The following SORL1 variants were observed in gnomAD, a reference collection of about 807,000 sequenced individuals.
SORL1 encodes the protein sortilin related receptor 1.
A neutral mutation model predicts 273.7 loss-of-function variants in SORL1; 127 were observed. That is an observed-to-expected ratio of 0.46 (90% CI 0.40 to 0.54). The LOEUF (loss-of-function observed/expected upper bound fraction) is 0.54. SORL1 is among the 20% of genes least tolerant of loss of function. The pLI is 0.00. For missense variants in SORL1, 2,494 were observed against 2,846.1 expected (o/e 0.88, Z 2.81); for synonymous variants, 1,031 against 1,067.4 (o/e 0.97, Z 0.66).
intron 31 of SORL1, among the ~76,000 whole-genome samples, chr11:121,592,764 A>G (rs894489950): frequency 2.0e-5 from 3 of 152,226 alleles, no homozygotes; most frequent in African/African-American, 7.2e-5. Flanking sequence ...TGTAAAAGAG[A>G]AAACAAAACT....
At chr11:121,472,230 G>A (rs923665761) in intron 2 of SORL1, among the ~76,000 whole-genome samples, 26 of 152,184 alleles carry the variant, frequency 1.7e-4, no homozygotes, top group Admixed American at 1.6e-3. Flanking sequence ...CTGCCCATGG[G>A]CATATCCCTC....
rs148610920 is a variant in SORL1, at chr11:121,550,615, C to T, written c.2211C>T (p.Ser737=). The T allele has an allele frequency of 5.8e-5, 94 of 1,614,066 alleles. No homozygotes were observed. Among genetic ancestry groups the T allele is most frequent in the Middle Eastern group, 3.3e-4 (2 of 6,062 alleles). ...GGAAGATTTCTGGGGACACTTGTAG[C>T]GGAGGAGATGTTGAAGCGCGACTGG... ...GYRKISGDTC[S]GGDVEARLEG... is the part of the protein sequence containing the mutation. Residue 737 remains serine (S), a synonymous_variant, in exon 16 of 48, where the codon AGC becomes AGT. Coordinates refer to ENST00000260197, the MANE Select transcript of SORL1 (RefSeq NM_003105.6). This position sits in a 1 kb window ranked among gnomAD's most constrained non-coding sequence, Gnocchi z 5.3.
intron 2 of SORL1, among the ~76,000 whole-genome samples, chr11:121,476,580 G>A (rs1274588294): frequency 6.6e-6 from 1 of 152,088 alleles, no homozygotes; most frequent in African/African-American, 2.4e-5. Flanking sequence ...TGTCTGTCTG[G>A]TGTCTAGACA....
chr11:121,609,585 A>T (rs929078289), intron 38 of SORL1: 13 of 152,226 alleles, frequency 8.5e-5, no homozygotes, highest in Non-Finnish European at 1.9e-4. Flanking sequence ...AGCTGCTTGC[A>T]TATATTTGGG....
rs1322146016 is a variant in SORL1 at position 121,550,197 on chromosome 11, A to G, written c.2180+109A>G. ...CTACACTCGAAATTCTAGAATTCCA[A>G]GTTAACAGCCTGCAAGTAGTTTGGG... On this transcript the variant is annotated intron_variant, in intron 15 of 47. Transcript: ENST00000260197. This position sits in a 1 kb window ranked among gnomAD's most constrained non-coding sequence, Gnocchi z 5.3. 6.9e-6 allele frequency: 8 copies of G among 1,159,720 alleles called. No homozygotes were observed. Among genetic ancestry groups the G allele is most frequent in the Non-Finnish European group, 7.2e-6 (6 of 838,590 alleles). The allele number at this position is 1,159,720 out of a possible 1,614,324, so 71.8% of individuals were successfully genotyped here.
chr11:121,547,184 C>G (rs1591321218), intron 14 of SORL1, among the ~76,000 whole-genome samples: 1 of 151,924 alleles, frequency 6.6e-6, no homozygotes, highest in South Asian at 2.1e-4. Context: ...AGGTAGTCCT[C>G]CCCAGACCAG....
rs1392362175 is a variant in SORL1, at chr11:121,554,747, A to G, written c.2440-440A>G. Among the ~76,000 whole-genome samples, 3 of 152,176 alleles carry G rather than the reference A, an allele frequency of 2.0e-5. No homozygotes were observed. Among genetic ancestry groups the G allele is most frequent in the Non-Finnish European group, 4.4e-5 (3 of 68,034 alleles). On this transcript the variant is annotated intron_variant, in intron 17 of 47. Coordinates refer to ENST00000260197, the MANE Select transcript of SORL1 (RefSeq NM_003105.6). This position sits in a 1 kb window ranked among gnomAD's most constrained non-coding sequence, Gnocchi z 4.6. ...GGGTGGGGGATGGCGGTGATGCTGA[A>G]TGGAGCTGTCCAACAATAGCACTTG...
In SORL1 at chr11:121,526,570, A is replaced by G. The variant is rs115382715; in HGVS notation, c.1596+3581A>G. On this transcript the variant is annotated intron_variant, in intron 11 of 47. Transcript: ENST00000260197. ...GGAGGAGAATCGACATGTTAATACTATTGAGTCTTCTGATCCATGAATGTA... is the reference window on the plus strand; with the variant it reads ...GGAGGAGAATCGACATGTTAATACTGTTGAGTCTTCTGATCCATGAATGTA... Among the ~76,000 whole-genome samples, 710 of 152,270 alleles carry G rather than the reference A, an allele frequency of 4.7e-3. 5 individuals carry two copies. The highest frequency in any genetic ancestry group is 0.016 in the African/African-American group (680 of 41,574).
chr11:121,508,301 A>G (rs1205368370), intron 6 of SORL1, among the ~76,000 whole-genome samples: 2 of 152,192 alleles, frequency 1.3e-5, no homozygotes, highest in African/African-American at 2.4e-5. Flanking sequence ...TTGACCTTGT[A>G]GAGTCCCAGG....
rs117725215 is a variant in SORL1 at position 121,614,877 on chromosome 11, A to G, written c.5426A>G (p.Asn1809Ser). 1,552 of 1,612,092 alleles carry G rather than the reference A, an allele frequency of 9.6e-4. 2 individuals are homozygous for G. The highest frequency in any genetic ancestry group is 1.1e-3 in the Non-Finnish European group (1,311 of 1,179,188). The change falls in exon 41 of 48, where the codon AAT becomes AGT. Residue 1809 changes from asparagine to serine, a missense_variant. Coordinates refer to ENST00000260197, the MANE Select transcript of SORL1 (RefSeq NM_003105.6). Reference protein sequence around the residue: ...RGSILSHKVGNLTAHTSYEIS... With the variant: ...RGSILSHKVGSLTAHTSYEIS... Reference sequence around the variant, plus strand: ...CCTTTTCCTGTTTTCACAGTTGGCAATCTGACAGCTCATACATCCTATGAG... The same window carrying G: ...CCTTTTCCTGTTTTCACAGTTGGCAGTCTGACAGCTCATACATCCTATGAG...
In SORL1 at chr11:121,452,380, A is replaced by G; in HGVS notation, c.49A>G (p.Thr17Ala). 1 of 1,549,544 alleles carries G rather than the reference A, an allele frequency of 6.5e-7. No homozygotes were observed. Among genetic ancestry groups the G allele is most frequent in the East Asian group, 2.6e-5 (1 of 38,168 alleles). ...GGAGTCGCGACTCCCGTTCCTATTC[A>G]CCCTGGTCGCACTGCTGCCGCCCGG... ...RRESRLPFLF[T>A]LVALLPPGAL... The change falls in exon 1 of 48, where the codon ACC (threonine) becomes GCC (alanine). Residue 17 changes from threonine (T) to alanine (A), a missense_variant. By Grantham distance (58) the Thr-to-Ala change is moderately conservative. Coordinates refer to ENST00000260197, the MANE Select transcript of SORL1 (RefSeq NM_003105.6). The surrounding 1 kb of genome is among the most constrained non-coding windows in gnomAD (Gnocchi z 5.3).
rs140146005 is a variant in SORL1, at chr11:121,551,410, T to C, written c.2266+740T>C. Among the ~76,000 whole-genome samples, 1,001 of 152,386 alleles carry C rather than the reference T, an allele frequency of 6.6e-3. 46 individuals are homozygous for C. The highest frequency in any genetic ancestry group is 0.047 in the Admixed American group (725 of 15,308). On this transcript the variant is annotated intron_variant, in intron 16 of 47. Coordinates refer to ENST00000260197, the MANE Select transcript of SORL1 (RefSeq NM_003105.6). The stretch of plus-strand genomic sequence containing the variant: ...CATGCTATAAAGGTATAGTGTGTTC[T>C]AAAACACGTTTCTGCTAGATTTAGT...
chr11:121,603,672 A>G (rs1863426625), intron 32 of SORL1, among the ~76,000 whole-genome samples: 1 of 152,226 alleles, frequency 6.6e-6, no homozygotes, highest in Non-Finnish European at 1.5e-5. Flanking sequence ...GCCTCTTAAT[A>G]TTGTTGGGAT....
intron 6 of SORL1, among the ~76,000 whole-genome samples, chr11:121,499,661 A>G (rs755677834): frequency 6.6e-6 from 1 of 152,220 alleles, no homozygotes; most frequent in African/African-American, 2.4e-5. Context: ...TCAGACTGCT[A>G]AACGACAAGG....
At chr11:121,464,762 G>T (rs1861057505) in intron 1 of SORL1, among the ~76,000 whole-genome samples, 1 of 152,214 alleles carries the variant, frequency 6.6e-6, no homozygotes, top group African/African-American at 2.4e-5. Context: ...TGTTTCTCCA[G>T]CTGGGGACAG....
Position 121,595,633 on chromosome 11 carries a change from T to C in SORL1, c.4380T>C (p.Thr1460=), listed in dbSNP as rs2134907915. 2 of 1,603,132 alleles carry C rather than the reference T, an allele frequency of 1.2e-6. No individual in the cohort carries two copies. The highest frequency in any genetic ancestry group is 1.7e-6 in the Non-Finnish European group (2 of 1,174,568). Residue 1460 remains threonine, a synonymous_variant, in exon 32 of 48, where the codon ACT becomes ACC. Transcript: ENST00000260197. This position sits in a 1 kb window ranked among gnomAD's most constrained non-coding sequence, Gnocchi z 5.1. The stretch of plus-strand genomic sequence containing the variant: ...AATCTTTTATTTTAGCAAACGTCAC[T>C]GCTGCCTCCACTCCCACCCAACTTG... ...EEACPLLANV[T]AASTPTQLGR... is the part of the protein sequence containing the mutation.
At chr11:121,507,361 T>C (rs1173590608) in intron 6 of SORL1, among the ~76,000 whole-genome samples, 1 of 152,198 alleles carries the variant, frequency 6.6e-6, no homozygotes, top group African/African-American at 2.4e-5. Flanking sequence ...CAAATATTCT[T>C]TCTCCTTTAT....
Position 121,596,046 on chromosome 11 carries a change from T to A in SORL1, c.4519+274T>A, listed in dbSNP as rs145766678. On this transcript the variant is annotated intron_variant, in intron 32 of 47. Transcript: ENST00000260197. The surrounding 1 kb of genome is among the most constrained non-coding windows in gnomAD (Gnocchi z 4.3). The stretch of plus-strand genomic sequence containing the variant: ...GAATGACTAAGATAAATATTTTAAA[T>A]AGGTTTCATAAGCATGTTTAACTCT... Among the ~76,000 whole-genome samples, 3 of 152,352 alleles carry A rather than the reference T, an allele frequency of 2.0e-5. No homozygotes were observed. Among genetic ancestry groups the A allele is most frequent in the Admixed American group, 6.5e-5 (1 of 15,302 alleles).
In SORL1 at chr11:121,480,446, A is replaced by G. The variant is rs1394750604; in HGVS notation, c.528+2203A>G. Among the ~76,000 whole-genome samples the G allele has an allele frequency of 2.0e-5, 3 of 152,192 alleles. 1 individual carries two copies. The highest frequency in any genetic ancestry group is 1.5e-5 in the Non-Finnish European group (1 of 67,992). On this transcript the variant is annotated intron_variant, in intron 3 of 47. Coordinates refer to ENST00000260197, the MANE Select transcript of SORL1 (RefSeq NM_003105.6). ...TACTTACCTGATGCTGATGATGATT[A>G]CTGTATTTACACATTGTCTCAGAGC...
Sources: allele counts gnomAD v4.1 joint callset (sites outside exome capture counted in the v4.1 genomes callset), GRCh38; gene constraint gnomAD v4.1.1; non-coding constraint Gnocchi (gnomAD v3.1); transcripts MANE v1.5; gene names NCBI Gene and HGNC (gene_info 2026-07-23, HGNC 2026-07-21).